Variants in SHH observed in about 807,000 individuals in gnomAD.
SHH encodes sonic hedgehog signaling molecule, also known as sonic hedgehog protein.
Under a neutral mutation model 16.6 loss-of-function variants are expected in SHH, and 3 were observed. That is an observed-to-expected ratio of 0.18 (90% CI 0.08 to 0.47). The LOEUF (loss-of-function observed/expected upper bound fraction) is 0.47, where lower values mean the gene tolerates loss of function less well. Among genes scored for constraint, SHH ranks in the 20% least tolerant of loss-of-function variants. SHH has a pLI of 0.98. For missense variants in SHH, 499 were observed against 665.0 expected (o/e 0.75, Z 2.75); for synonymous variants, 351 against 316.2 (o/e 1.11, Z -1.17).
At position 155,803,070 on chromosome 7, in the gene SHH, C is replaced by T. The variant is rs1369784245; in HGVS notation, c.1219G>A (p.Gly407Arg). Residue 407 changes from glycine (G) to arginine (R), a missense_variant, in exon 3 of 3, where the codon GGG (glycine) becomes AGG (arginine). By Grantham distance (125) the Gly-to-Arg change is moderately radical. Coordinates refer to ENST00000297261, the MANE Select transcript of SHH (RefSeq NM_000193.4). ...RGGDSGGGDRGGGGGRVALTA... is the reference protein window; with the variant it reads ...RGGDSGGGDRRGGGGRVALTA... ...AGGGCTACTCTGCCGCCGCCGCCCCCGCGGTCCCCGCCGCCGCTGTCCCCG... is the reference window on the plus strand; with the variant it reads ...AGGGCTACTCTGCCGCCGCCGCCCCTGCGGTCCCCGCCGCCGCTGTCCCCG... 7.2e-7 allele frequency: 1 copy of T among 1,379,950 alleles called. No individual in the cohort carries two copies. The highest frequency in any genetic ancestry group is 9.4e-7 in the Non-Finnish European group (1 of 1,064,602). The allele number at this position is 1,379,950 out of a possible 1,614,324, so 85.5% of individuals were successfully genotyped here. A position where few individuals can be genotyped will look rare whatever the true frequency, so the allele number is the denominator to read the frequency against.
chr7:155,805,869 G>A (rs767595602), intron 2 of SHH, among the ~76,000 whole-genome samples: 2 of 152,242 alleles, frequency 1.3e-5, no homozygotes, highest in Non-Finnish European at 2.9e-5. Flanking sequence ...TCCGGGGCAG[G>A]ATAGACACCC....
chr7:155,806,748 AT>A (rs922092315), intron 1 of SHH, 191 bp from the exon 2 acceptor site: 28 of 741,542 alleles, frequency 3.8e-5, no homozygotes, highest in Middle Eastern at 2.4e-4. Context: ...GAGGGACAGC[AT>A]TTGCGGAGGA....
intron 2 of SHH, among the ~76,000 whole-genome samples, chr7:155,804,377 C>T (rs992194005): frequency 6.6e-6 from 1 of 152,144 alleles, no homozygotes; most frequent in African/African-American, 2.4e-5. Context: ...TGTGAAAATC[C>T]GAGGCTTGTG....
chr7:155,805,637 G>A lies in SHH; in HGVS notation c.562+659C>T, dbSNP rs558505889. On this transcript the variant is annotated intron_variant, in intron 2 of 2. Transcript: ENST00000297261. ...CCGGCAACAGCGTGTGGCGTTGCAG[G>A]CCCAGAGAAGACAGCCTCGCGCCGA... 3.3e-5 allele frequency among the ~76,000 whole-genome samples: 5 copies of A among 152,330 alleles called. No individual in the cohort carries two copies. In the East Asian group the frequency reaches 7.8e-4, roughly 24 times the overall value.
chr7:155,811,917 T>C lies in SHH; in HGVS notation c.206A>G (p.Asn69Ser). The change falls in exon 1 of 3, where the codon AAC (asparagine) becomes AGC (serine). Residue 69 changes from asparagine to serine, a missense_variant. Coordinates refer to ENST00000297261, the MANE Select transcript of SHH (RefSeq NM_000193.4). ...GGTGAGTTCCTTAAATCGCTCGGAG[T>C]TTCTGGAGATCTTCCCTTCATACCT... is the stretch of plus-strand genomic sequence containing the variant. ...SGRYEGKISRNSERFKELTPN... is the reference protein window; with the variant it reads ...SGRYEGKISRSSERFKELTPN... 1.2e-6 allele frequency: 2 copies of C among 1,613,928 alleles called. No individual in the cohort carries two copies. The highest frequency in any genetic ancestry group is 1.1e-5 in the South Asian group (1 of 91,056).
chr7:155,810,502 G>A (rs1584804827), intron 1 of SHH, among the ~76,000 whole-genome samples: 2 of 152,244 alleles, frequency 1.3e-5, no homozygotes, highest in East Asian at 3.9e-4. Context: ...ATTGTGGATC[G>A]CGCTGCTGTC....
At chr7:155,808,267 T>C (rs1405492456) in intron 1 of SHH, among the ~76,000 whole-genome samples, 2 of 151,764 alleles carry the variant, frequency 1.3e-5, no homozygotes, top group African/African-American at 2.4e-5. Context: ...TGTAGAGCTA[T>C]GATGTGAGGC....
At chr7:155,810,487 A>G (rs1803499004) in intron 1 of SHH, among the ~76,000 whole-genome samples, 1 of 152,184 alleles carries the variant, frequency 6.6e-6, no homozygotes, top group African/African-American at 2.4e-5. Context: ...GCCCGTGCAG[A>G]GTTAATTGTG....
chr7:155,810,318 C>T (rs1367930753), intron 1 of SHH, among the ~76,000 whole-genome samples: 2 of 152,236 alleles, frequency 1.3e-5, no homozygotes, highest in African/African-American at 4.8e-5. Flanking sequence ...CGGGTATCCA[C>T]GCCCCCGCCG....
In SHH at chr7:155,802,665, A is replaced by C. The variant is rs1226148615; in HGVS notation, c.*235T>G. The C allele has an allele frequency of 1.0e-5, 4 of 384,342 alleles. No homozygotes were observed. Among genetic ancestry groups the C allele is most frequent in the Non-Finnish European group, 1.8e-5 (4 of 217,788 alleles). 23.8% of individuals were successfully genotyped at this position (384,342 alleles called of 1,614,324 possible). On this transcript the variant is annotated 3_prime_UTR_variant, in exon 3 of 3. Transcript: ENST00000297261. ...GCCAGGAGAGGAGGAAAAAATAACC[A>C]AAATAAAACAATAACCAAAAAAATT... is the stretch of plus-strand genomic sequence containing the variant.
In SHH at chr7:155,809,952, C is replaced by T. The variant is rs1047915878; in HGVS notation, c.300+1871G>A. 4.6e-5 allele frequency among the ~76,000 whole-genome samples: 7 copies of T among 151,680 alleles called. No homozygotes were observed. Among genetic ancestry groups the T allele is most frequent in the Non-Finnish European group, 8.8e-5 (6 of 67,866 alleles). The stretch of plus-strand genomic sequence containing the variant: ...GCAGGCCGGCGGAGCCCGCGATGCG[C>T]CCCGGCCCCTGCGCGGGCGCCCCCA... On this transcript the variant is annotated intron_variant, in intron 1 of 2. Transcript: ENST00000297261. This position sits in a 1 kb window ranked among gnomAD's most constrained non-coding sequence, Gnocchi z 6.1.
chr7:155,806,266 G>C (rs1396398672), intron 2 of SHH, 30 bp downstream of exon 2: 4 of 1,612,852 alleles, frequency 2.5e-6, no homozygotes. Context: ...CCTTCCTTGG[G>C]TCGGATCCGG....
rs9333644 is a variant in SHH, at chr7:155,801,193, C to T, written c.*1707G>A. ...GTCCACGCCCGACCGCCATGTGACA[C>T]AGACAACCAGTGTAGCCTGAGGACC... is the stretch of plus-strand genomic sequence containing the variant. On this transcript the variant is annotated 3_prime_UTR_variant, in exon 3 of 3. Transcript: ENST00000297261. 3.9e-3 allele frequency: 599 copies of T among 154,144 alleles called. 5 individuals carry two copies. The highest frequency in any genetic ancestry group is 0.013 in the African/African-American group (551 of 41,612). 9.5% of individuals were successfully genotyped at this position (154,144 alleles called of 1,614,324 possible). A position where few individuals can be genotyped will look rare whatever the true frequency, so the allele number is the denominator to read the frequency against.
Position 155,800,632 on chromosome 7 carries a change from G to A in SHH, c.*2268C>T, listed in dbSNP as rs778542436. 2.3e-5 allele frequency: 11 copies of A among 470,726 alleles called. No individual in the cohort carries two copies. The highest frequency in any genetic ancestry group is 3.2e-4 in the Middle Eastern group (1 of 3,078). 29.2% of individuals were successfully genotyped at this position (470,726 alleles called of 1,614,324 possible). On this transcript the variant is annotated 3_prime_UTR_variant, in exon 3 of 3. Transcript: ENST00000297261. ...GAACAGAAACCATCGCACTTCCTCC[G>A]AGATTGTAAACACCAGCCTGGAACC...
rs1803164769 is a variant in SHH at position 155,800,839 on chromosome 7, CA to C, written c.*2060del. ...AGGGACTGGGCCCAACCTCGGGAGC[CA>C]GCCCCTGCCAGGTGGGGCTGAAGTC... On this transcript the variant is annotated 3_prime_UTR_variant, in exon 3 of 3. Transcript: ENST00000297261. The C allele has an allele frequency of 2.9e-6, 1 of 347,008 alleles. No individual in the cohort carries two copies. The highest frequency in any genetic ancestry group is 5.7e-6 in the Non-Finnish European group (1 of 174,884). The allele number at this position is 347,008 out of a possible 1,614,324, so 21.5% of individuals were successfully genotyped here.
intron 2 of SHH, among the ~76,000 whole-genome samples, chr7:155,805,732 G>C (rs9333627): frequency 1.3e-5 from 2 of 152,308 alleles, no homozygotes; most frequent in African/African-American, 4.8e-5. Flanking sequence ...AGGAACGCAG[G>C]CTCCGGGCGC....
At chr7:155,811,795 A>G in intron 1 of SHH, 28 bp downstream of exon 1, 1 of 1,611,286 alleles carries the variant, frequency 6.2e-7, no homozygotes, top group Non-Finnish European at 8.5e-7. Flanking sequence ...AAAGCCACAC[A>G]TTCCACGCCC....
At chr7:155,806,624 C>G in intron 1 of SHH, 67 bp from the exon 2 acceptor site, 1 of 1,591,932 alleles carries the variant, frequency 6.3e-7, no homozygotes, top group South Asian at 1.1e-5. Context: ...CCTCCCGGCC[C>G]CTCCATCAGC....
rs186540966 is a variant in SHH, at chr7:155,802,607, T to C, written c.*293A>G. 3.5e-6 allele frequency: 1 copy of C among 289,352 alleles called. No homozygotes were observed. Among genetic ancestry groups the C allele is most frequent in the East Asian group, 5.5e-5 (1 of 18,226 alleles). The allele number at this position is 289,352 out of a possible 1,614,324, so 17.9% of individuals were successfully genotyped here. The stretch of plus-strand genomic sequence containing the variant: ...CTCTTGAAGGTCCGGTTCATATTAT[T>C]TAAAACATCTATTCATACCAAACAA... On this transcript the variant is annotated 3_prime_UTR_variant, in exon 3 of 3. Transcript: ENST00000297261.
Sources: allele counts gnomAD v4.1 joint callset (sites outside exome capture counted in the v4.1 genomes callset), GRCh38; gene constraint gnomAD v4.1.1; non-coding constraint Gnocchi (gnomAD v3.1); transcripts MANE v1.5; gene names NCBI Gene and HGNC (gene_info 2026-07-23, HGNC 2026-07-21).